URB1: variants seen among roughly 807,000 people sequenced by gnomAD.
URB1 encodes the protein nucleolar pre-ribosomal-associated protein 1.
Under a neutral mutation model 242.3 loss-of-function variants are expected in URB1, and 197 were observed. That is an observed-to-expected ratio of 0.81 (90% CI 0.72 to 0.91). The LOEUF (loss-of-function observed/expected upper bound fraction) is 0.91. Ranked by LOEUF, URB1 falls within the 40% of genes least tolerant of loss-of-function variation. The pLI is 0.00. For missense variants in URB1, 2,721 were observed against 2,860.5 expected, an observed-to-expected ratio of 0.95 and a Z score of 1.11; for synonymous variants, 1,153 against 1,201.8, an observed-to-expected ratio of 0.96 and a Z score of 0.84.
intron 1 of URB1, among the ~76,000 whole-genome samples, chr21:32,390,365 C>G (rs1344033174): frequency 1.3e-5 from 2 of 152,232 alleles, no homozygotes; most frequent in African/African-American, 4.8e-5. Context: ...GCCACTTCCT[C>G]TGATGGCCAG....
At chr21:32,385,791 C>A in intron 1 of URB1, 107 bp from the exon 2 acceptor site, 1 of 1,366,870 alleles carries the variant, frequency 7.3e-7, no homozygotes. Flanking sequence ...CCCCGATCCA[C>A]CTACACTGCA....
Position 32,361,980 on chromosome 21 carries a change from T to A in URB1, c.1551A>T (p.Ser517=). ...DLNTVVWVWQ[S]LKKQETKQDD... ...CCTGTTTGGTCTCTTGCTTTTTAAGTGACTGCCAGACCCACACGACAGTGT... is the reference window on the plus strand; with the variant it reads ...CCTGTTTGGTCTCTTGCTTTTTAAGAGACTGCCAGACCCACACGACAGTGT... The change falls in exon 12 of 39, where the codon TCA becomes TCT. Residue 517 remains serine (S), a synonymous_variant. Coordinates refer to ENST00000382751, the MANE Select transcript of URB1 (RefSeq NM_014825.3). 2.6e-6 allele frequency: 4 copies of A among 1,551,570 alleles called. No individual in the cohort carries two copies. The highest frequency in any genetic ancestry group is 3.5e-6 in the Non-Finnish European group (4 of 1,146,910).
chr21:32,383,808 C>T (rs577117189), intron 3 of URB1, among the ~76,000 whole-genome samples: 1 of 152,308 alleles, frequency 6.6e-6, no homozygotes, highest in African/African-American at 2.4e-5. Flanking sequence ...ACATTTCTCT[C>T]TGGAGTGAGC....
rs375106017 is a variant in URB1, at chr21:32,368,595, G to A, written c.1005C>T (p.Gly335=). Residue 335 remains glycine, a synonymous_variant, in exon 9 of 39, where the codon GGC becomes GGT. Coordinates refer to ENST00000382751, the MANE Select transcript of URB1 (RefSeq NM_014825.3). ...AGAAGTGCAAGAGTGTCAGGTTTCCGCCTCTGTTAGAGAAAGACACATGGG... is the reference window on the plus strand; with the variant it reads ...AGAAGTGCAAGAGTGTCAGGTTTCCACCTCTGTTAGAGAAAGACACATGGG... ...YDASLGTFGR[G]GNLTLLHFLL... The A allele has an allele frequency of 3.9e-5, 61 of 1,548,922 alleles. No homozygotes were observed. The highest frequency in any genetic ancestry group is 5.1e-5 in the Non-Finnish European group (59 of 1,146,054).
intron 36 of URB1, 26 bp downstream of exon 36, chr21:32,319,191 G>GC (rs11402028): frequency 5.9e-6 from 9 of 1,531,610 alleles, no homozygotes; most frequent in Admixed American, 4.4e-5. Flanking sequence ...GGCCAGAAGG[G>GC]CCCCCCTGGC....
At chr21:32,363,131 A>G (rs2033307542) in intron 11 of URB1, 25 bp downstream of exon 11, 1 of 1,542,698 alleles carries the variant, frequency 6.5e-7, no homozygotes, top group African/African-American at 1.4e-5. Context: ...CTGGAAGGAA[A>G]GCCCAAACCC....
chr21:32,392,969 C>A lies in URB1; in HGVS notation c.-59G>T, dbSNP rs529094250. The A allele has an allele frequency of 1.1e-4, 154 of 1,429,912 alleles. No individual in the cohort carries two copies. The African/African-American group carries it at 2.0e-3, about 19-fold the overall frequency. The allele number at this position is 1,429,912 out of a possible 1,614,324, so 88.6% of individuals were successfully genotyped here. A position where few individuals can be genotyped will look rare whatever the true frequency, so the allele number is the denominator to read the frequency against. On this transcript the variant is annotated 5_prime_UTR_variant, in exon 1 of 39. Coordinates refer to ENST00000382751, the MANE Select transcript of URB1 (RefSeq NM_014825.3). ...CACCTGAGGGGACCCGGCAGGAGCA[C>A]TGGCACAGACAGCAGACACGCGCTT...
Position 32,392,797 on chromosome 21 carries a change from C to A in URB1, c.114G>T (p.Gln38His). 1 of 1,510,568 alleles carries A rather than the reference C, an allele frequency of 6.6e-7. No individual in the cohort carries two copies. 93.6% of individuals were successfully genotyped at this position (1,510,568 alleles called of 1,614,324 possible). ...GCCCGGGGCCCTGCGGGTCCTTCAG[C>A]TGAGCCTTGAACCGCACGCCCGTGA... ...EELTGVRFKA[Q>H]LKDPQGPGPG... is the part of the protein sequence containing the mutation. The change falls in exon 1 of 39, where the codon CAG becomes CAT. Residue 38 changes from glutamine (Q) to histidine (H), a missense_variant. Gln to His is a conservative substitution (Grantham distance 24). Transcript: ENST00000382751.
At chr21:32,333,618 T>C (rs1027629579) in intron 29 of URB1, among the ~76,000 whole-genome samples, 199 bp from the exon 30 acceptor site, 9 of 152,226 alleles carry the variant, frequency 5.9e-5, no homozygotes, top group South Asian at 4.1e-4. Context: ...GTAATATACA[T>C]AGCATGCAGG....
chr21:32,324,407 A>G, intron 32 of URB1, 84 bp downstream of exon 32: 2 of 1,123,982 alleles, frequency 1.8e-6, no homozygotes, highest in Non-Finnish European at 1.3e-6. Flanking sequence ...GTGACCCACT[A>G]TACCTGTGGG....
chr21:32,344,665 T>G lies in URB1; in HGVS notation c.4162A>C (p.Lys1388Gln). The change falls in exon 24 of 39, where the codon AAG (lysine) becomes CAG (glutamine). Residue 1388 changes from lysine to glutamine, a missense_variant. Coordinates refer to ENST00000382751, the MANE Select transcript of URB1 (RefSeq NM_014825.3). The part of the protein sequence containing the change: ...WRRTLLESCV[K>Q]WLIVSFSGGQ... ...CCACTGAAAGACACGATCAGCCACT[T>G]CACACAGGACTCCAAAAGGGTCCTT... 1 of 1,552,376 alleles carries G rather than the reference T, an allele frequency of 6.4e-7. No individual in the cohort carries two copies. The highest frequency in any genetic ancestry group is 2.0e-5 in the Admixed American group (1 of 51,008).
rs540901488 is a variant in URB1, at chr21:32,324,611, C to T, written c.5122-9G>A. ...TCCAACAGGTAAAGTAGCTTGAAAA[C>T]AGAACAGAAAAGGAAAATGTAAGAT... On this transcript the variant is annotated splice_polypyrimidine_tract_variant and intron_variant, in intron 31 of 38. Coordinates refer to ENST00000382751, the MANE Select transcript of URB1 (RefSeq NM_014825.3). 2.4e-5 allele frequency: 37 copies of T among 1,546,176 alleles called. No individual in the cohort carries two copies. The African/African-American group carries it at 3.4e-4, about 14-fold the overall frequency.
At position 32,316,994 on chromosome 21, in the gene URB1, GCCT is replaced by G; in HGVS notation, c.6103_6105del (p.Arg2035del). On this transcript the variant is annotated inframe_deletion, in exon 38 of 39. Coordinates refer to ENST00000382751, the MANE Select transcript of URB1 (RefSeq NM_014825.3). Reference sequence around the variant, plus strand: ...TCAGCCATCTCCTCTGCCTCCCCAGGCCTCCTCTTTCGGCCCCGTGGGCCTTTG... The same window carrying G: ...TCAGCCATCTCCTCTGCCTCCCCAGGCCTCTTTCGGCCCCGTGGGCCTTTG... 6.4e-7 allele frequency: 1 copy of G among 1,551,670 alleles called. No individual in the cohort carries two copies. The highest frequency in any genetic ancestry group is 8.7e-7 in the Non-Finnish European group (1 of 1,146,984).
chr21:32,387,093 C>A (rs1044434220), intron 1 of URB1, among the ~76,000 whole-genome samples: 1 of 152,092 alleles, frequency 6.6e-6, no homozygotes, highest in African/African-American at 2.4e-5. Context: ...CATAAGGCCA[C>A]CCCAGAAGTT....
rs116586537 is a variant in URB1, at chr21:32,311,435, A to G, written c.*3483T>C. 2,026 of 235,948 alleles carry G rather than the reference A, an allele frequency of 8.6e-3. 39 individuals carry two copies. The highest frequency in any genetic ancestry group is 0.045 in the African/African-American group (1,904 of 42,716). The allele number at this position is 235,948 out of a possible 1,614,324, so 14.6% of individuals were successfully genotyped here. A position where few individuals can be genotyped will look rare whatever the true frequency, so the allele number is the denominator to read the frequency against. The stretch of plus-strand genomic sequence containing the variant: ...CCCCCACCCCCCCCATCCTAAATCA[A>G]TGTAGGAAGAAGTGGCCTCCAGGGA... On this transcript the variant is annotated 3_prime_UTR_variant, in exon 39 of 39. Transcript: ENST00000382751.
chr21:32,343,932 A>G (rs1050773306), intron 24 of URB1, among the ~76,000 whole-genome samples: 1 of 152,236 alleles, frequency 6.6e-6, no homozygotes, highest in African/African-American at 2.4e-5. Flanking sequence ...CAACACACAG[A>G]GAAACAAAGG....
At chr21:32,377,875 T>C (rs1175756699) in intron 5 of URB1, among the ~76,000 whole-genome samples, 1 of 152,140 alleles carries the variant, frequency 6.6e-6, no homozygotes, top group Non-Finnish European at 1.5e-5. Context: ...GCAACTGCCA[T>C]GTGCTGAGCT....
chr21:32,364,069 C>T (rs2033319191), intron 10 of URB1, among the ~76,000 whole-genome samples: 1 of 151,834 alleles, frequency 6.6e-6, no homozygotes, highest in Admixed American at 6.6e-5. Context: ...GCATCAGGTA[C>T]TTTAGTATGA....
chr21:32,353,805 G>A, intron 18 of URB1, 128 bp downstream of exon 18: 2 of 1,141,396 alleles, frequency 1.8e-6, no homozygotes, highest in Non-Finnish European at 2.4e-6. Flanking sequence ...CTATCACTCT[G>A]GGGGTTCTGA....
Sources: allele counts gnomAD v4.1 joint callset (sites outside exome capture counted in the v4.1 genomes callset), GRCh38; gene constraint gnomAD v4.1.1; transcripts MANE v1.5; gene names NCBI Gene and HGNC (gene_info 2026-07-23, HGNC 2026-07-21).